TRIM55: variants seen among roughly 807,000 people sequenced by gnomAD.
The protein encoded by TRIM55 is tripartite motif-containing protein 55.
TRIM55 carries 50 observed loss-of-function variants against 60.9 expected under a neutral mutation model. The ratio of observed to expected loss-of-function variants is 0.82; its 90% CI spans 0.65 to 1.04. The LOEUF (loss-of-function observed/expected upper bound fraction) is 1.04, where lower values mean the gene tolerates loss of function less well. Ranked by LOEUF, TRIM55 falls within the 50% of genes least tolerant of loss-of-function variation. The pLI is 0.00. For synonymous variants in TRIM55, 237 were observed against 238.1 expected, an observed-to-expected ratio of 1.00 and a Z score of 0.04; for missense variants, 681 against 666.9, an observed-to-expected ratio of 1.02 and a Z score of -0.23.
chr8:66,172,047 A>G (rs1302979383), intron 9 of TRIM55, among the ~76,000 whole-genome samples: 1 of 152,048 alleles, frequency 6.6e-6, no homozygotes, highest in African/African-American at 2.4e-5. Flanking sequence ...CACTGTTGAA[A>G]GAAAGGAGGG....
the TRIM55 span, among the ~76,000 whole-genome samples, chr8:66,117,740 G>A: frequency 2.0e-5 from 3 of 152,194 alleles, no homozygotes; most frequent in Non-Finnish European, 4.4e-5. Flanking sequence ...TATGGGTGGT[G>A]AGGGTGAAAC....
At chr8:66,125,011 C>T (rs546167969), upstream of TRIM55, among the ~76,000 whole-genome samples, 1 of 152,302 alleles carries the variant, frequency 6.6e-6, no homozygotes, top group South Asian at 2.1e-4. Context: ...CCGCCCAGCC[C>T]CAACATGTAA....
At chr8:66,170,825 G>A (rs1475895237) in intron 9 of TRIM55, among the ~76,000 whole-genome samples, 1 of 152,140 alleles carries the variant, frequency 6.6e-6, no homozygotes, top group Non-Finnish European at 1.5e-5. Flanking sequence ...TGAAAGCAGG[G>A]CCTCACACAG....
intron 9 of TRIM55, among the ~76,000 whole-genome samples, chr8:66,162,464 A>T (rs1156333028): frequency 6.6e-6 from 1 of 150,828 alleles, no homozygotes; most frequent in African/African-American, 2.4e-5. Context: ...CATCAGGGAT[A>T]TTGGTCTGTA....
chr8:66,122,153 A>C (rs1586153293), upstream of TRIM55, among the ~76,000 whole-genome samples: 1 of 152,202 alleles, frequency 6.6e-6, no homozygotes, highest in African/African-American at 2.4e-5. Flanking sequence ...GGAAGGGAAA[A>C]TAAATCTTGG....
the TRIM55 span, chr8:66,113,555 GTC>G: frequency 2.2e-6 from 1 of 456,338 alleles, no homozygotes. Flanking sequence ...CAGTTTGAAA[GTC>G]TAGCGCTTTC....
the TRIM55 span, among the ~76,000 whole-genome samples, chr8:66,114,148 C>G: frequency 6.4e-3 from 918 of 142,978 alleles, 6 homozygotes; most frequent in Non-Finnish European, 0.011. Context: ...AATGTTCTGA[C>G]CCTTCTCTAA....
At chr8:66,140,764 C>T (rs942615764) in intron 4 of TRIM55, among the ~76,000 whole-genome samples, 1 of 152,234 alleles carries the variant, frequency 6.6e-6, no homozygotes, top group Non-Finnish European at 1.5e-5. Context: ...GGCCACAGAG[C>T]TCTTGTGTCT....
rs377139939 is a variant in TRIM55, at chr8:66,137,132, G to A, written c.545G>A (p.Ser182Asn). Reference protein sequence around the residue: ...LSDGIAILVGSNDRVQGVISQ... With the variant: ...LSDGIAILVGNNDRVQGVISQ... Reference sequence around the variant, plus strand: ...GATGGCATCGCCATCCTCGTGGGCAGCAACGATCGAGTCCAGGGAGTGATC... The same window carrying A: ...GATGGCATCGCCATCCTCGTGGGCAACAACGATCGAGTCCAGGGAGTGATC... Residue 182 changes from serine (S) to asparagine (N), a missense_variant, in exon 4 of 10, where the codon AGC (serine) becomes AAC (asparagine). Physicochemically the swap from Ser to Asn is conservative, Grantham distance 46 (BLOSUM62 1). Transcript: ENST00000315962. 7.4e-6 allele frequency: 12 copies of A among 1,614,032 alleles called. No homozygotes were observed. The African/African-American group carries it at 1.5e-4, about 20-fold the overall frequency.
intron 9 of TRIM55, among the ~76,000 whole-genome samples, chr8:66,159,617 T>C (rs1202043393): frequency 6.6e-6 from 1 of 152,204 alleles, no homozygotes; most frequent in Non-Finnish European, 1.5e-5. Context: ...TGTCAAACTG[T>C]TTTCCGTAGT....
rs185489954 is a variant in TRIM55 at position 66,135,418 on chromosome 8, C to T, written c.507+263C>T. On this transcript the variant is annotated intron_variant, in intron 3 of 9. Coordinates refer to ENST00000315962, the MANE Select transcript of TRIM55 (RefSeq NM_184085.2). ...GTTCAGGAAGTGGTGCAGAACGGCA[C>T]GATCCCTGTTTTTGTGCCCTTTGGA... 1.5e-3 allele frequency among the ~76,000 whole-genome samples: 231 copies of T among 152,304 alleles called. 1 individual carries two copies. In the Middle Eastern group the frequency reaches 0.017, roughly 11 times the overall value.
At chr8:66,129,854 C>T (rs1472942448) in intron 2 of TRIM55, among the ~76,000 whole-genome samples, 1 of 152,192 alleles carries the variant, frequency 6.6e-6, no homozygotes, top group Non-Finnish European at 1.5e-5. Context: ...GTTTATATAA[C>T]AAGAGTTTCA....
At chr8:66,136,175 G>C (rs997085493) in intron 3 of TRIM55, among the ~76,000 whole-genome samples, 1 of 152,110 alleles carries the variant, frequency 6.6e-6, no homozygotes, top group Non-Finnish European at 1.5e-5. Context: ...CTCCCCCAAA[G>C]CATAGCATAA....
intron 9 of TRIM55, among the ~76,000 whole-genome samples, chr8:66,164,843 A>G (rs1467297711): frequency 6.6e-6 from 1 of 152,128 alleles, no homozygotes; most frequent in African/African-American, 2.4e-5. Flanking sequence ...TATAAAGGTG[A>G]TCCCAGAGGA....
chr8:66,173,033 G>A (rs1243123912), intron 9 of TRIM55, among the ~76,000 whole-genome samples: 2 of 152,090 alleles, frequency 1.3e-5, no homozygotes, highest in African/African-American at 2.4e-5. Flanking sequence ...GGAGTTGGAC[G>A]TGTAAAAATA....
chr8:66,173,820 C>A (rs1811772646), intron 9 of TRIM55, among the ~76,000 whole-genome samples: 1 of 152,034 alleles, frequency 6.6e-6, no homozygotes, highest in Non-Finnish European at 1.5e-5. Flanking sequence ...CTGTCTATCT[C>A]AGGTGCCTAC....
At chr8:66,150,767 A>G (rs866047664) in intron 7 of TRIM55, among the ~76,000 whole-genome samples, 4 of 152,104 alleles carry the variant, frequency 2.6e-5, no homozygotes, top group Admixed American at 6.5e-5. Flanking sequence ...CCTGGGTTCA[A>G]GCGATTCTCC....
At chr8:66,156,726 T>G (rs776742781) in intron 9 of TRIM55, among the ~76,000 whole-genome samples, 1 of 152,090 alleles carries the variant, frequency 6.6e-6, no homozygotes, top group Non-Finnish European at 1.5e-5. Flanking sequence ...TTCTGGAAGC[T>G]CCCTTCATAG....
At chr8:66,117,022 A>G in the TRIM55 span, among the ~76,000 whole-genome samples, 1 of 152,262 alleles carries the variant, frequency 6.6e-6, no homozygotes. Context: ...ATAACATTAA[A>G]CAGATTAAAG....
Sources: gnomAD v4.1 joint callset for allele counts (sites outside exome capture counted in the v4.1 genomes callset) on GRCh38, gnomAD v4.1.1 for gene constraint, MANE v1.5 for transcripts, NCBI Gene and HGNC (gene_info 2026-07-23, HGNC 2026-07-21) for gene names.